Variants in SGCZ observed in about 807,000 individuals in gnomAD.
SGCZ encodes the protein sarcoglycan zeta, also known as zeta-sarcoglycan.
SGCZ carries 40 observed loss-of-function variants against 41.3 expected under a neutral mutation model. The observed-to-expected ratio is 0.97, with a 90% CI of 0.75 to 1.26. The LOEUF (loss-of-function observed/expected upper bound fraction) is 1.26, where lower values mean the gene tolerates loss of function less well. Among genes scored for constraint, SGCZ ranks in the 50% most tolerant of loss-of-function variants. SGCZ has a pLI of 0.00. For missense variants in SGCZ, 552 were observed against 369.8 expected, an observed-to-expected ratio of 1.49 and a Z score of -4.04; for synonymous variants, 206 against 137.5, an observed-to-expected ratio of 1.50 and a Z score of -3.49.
Position 14,732,240 on chromosome 8 carries a change from A to G in SGCZ, c.40-177314T>C, listed in dbSNP as rs569025387. On this transcript the variant is annotated intron_variant, in intron 1 of 7. Coordinates refer to ENST00000382080, the MANE Select transcript of SGCZ (RefSeq NM_139167.4). ...CTCTCTTCCACCAGCTTTAAAACAC[A>G]TCCCTGCCTGCAGCTCTTATCTTAT... Among the ~76,000 whole-genome samples, 89 of 152,222 alleles carry G rather than the reference A, an allele frequency of 5.8e-4. 1 individual carries two copies. Among genetic ancestry groups the G allele is most frequent in the Middle Eastern group, 6.8e-3 (2 of 294 alleles).
intron 1 of SGCZ, among the ~76,000 whole-genome samples, chr8:14,584,423 T>C (rs1472903132): frequency 1.3e-5 from 2 of 152,092 alleles, no homozygotes; most frequent in Admixed American, 6.6e-5. Context: ...ATTTTTTAAA[T>C]GTATGATAAA....
chr8:14,163,254 A>AT (rs2116981476), intron 5 of SGCZ, among the ~76,000 whole-genome samples: 1 of 152,170 alleles, frequency 6.6e-6, no homozygotes, highest in East Asian at 1.9e-4. Context: ...TGTACAGATT[A>AT]TTTTGTCACC....
At chr8:14,578,720 A>C (rs866399976) in intron 1 of SGCZ, among the ~76,000 whole-genome samples, 1 of 152,224 alleles carries the variant, frequency 6.6e-6, no homozygotes, top group African/African-American at 2.4e-5. Flanking sequence ...CTTCAAAATG[A>C]TTCATGGTAA....
chr8:14,906,855 T>C (rs1480691), intron 1 of SGCZ, among the ~76,000 whole-genome samples: 54,241 of 152,050 alleles, frequency 0.36, 12,045 homozygotes, highest in African/African-American at 0.63. Flanking sequence ...CTAAGGAGTA[T>C]ATATCACAGA....
chr8:14,831,203 A>T (rs1802515067), intron 1 of SGCZ, among the ~76,000 whole-genome samples: 1 of 152,202 alleles, frequency 6.6e-6, no homozygotes. Context: ...ACACAGGTCA[A>T]AGAAAGATTT....
At chr8:14,996,978 G>A (rs976168545) in intron 1 of SGCZ, among the ~76,000 whole-genome samples, 5 of 152,146 alleles carry the variant, frequency 3.3e-5, no homozygotes, top group Admixed American at 6.5e-5. Context: ...TAAGGAAGAC[G>A]CTCTTTTGTG....
intron 1 of SGCZ, among the ~76,000 whole-genome samples, chr8:15,060,932 G>C (rs1804901171): frequency 6.6e-6 from 1 of 152,124 alleles, no homozygotes. Flanking sequence ...CATAGTAGAA[G>C]GTACAGGGAT....
At chr8:14,408,496 C>A (rs1186361128) in intron 2 of SGCZ, among the ~76,000 whole-genome samples, 1 of 152,082 alleles carries the variant, frequency 6.6e-6, no homozygotes, top group African/African-American at 2.4e-5. Flanking sequence ...AGGTGGCCAC[C>A]GTCTCTCCCC....
rs370347569 is a variant in SGCZ at position 14,439,261 on chromosome 8, G to T, written c.235-115057C>A. Among the ~76,000 whole-genome samples, 11 of 149,168 alleles carry T rather than the reference G, an allele frequency of 7.4e-5. No homozygotes were observed. The East Asian group carries it at 2.2e-3, about 30-fold the overall frequency. On this transcript the variant is annotated intron_variant, in intron 2 of 7. Transcript: ENST00000382080. ...TATATTTTTAGGAGTTTTTGGCTTG[G>T]TATTGTTGCTAACAGTCCCTTGATT...
chr8:14,913,047 A>G (rs1799324488), intron 1 of SGCZ, among the ~76,000 whole-genome samples: 1 of 152,072 alleles, frequency 6.6e-6, no homozygotes, highest in Admixed American at 6.6e-5. Flanking sequence ...GCATGCTGTC[A>G]TAAATATATA....
chr8:14,158,383 T>A (rs1803939435), intron 5 of SGCZ, among the ~76,000 whole-genome samples: 1 of 152,112 alleles, frequency 6.6e-6, no homozygotes, highest in Non-Finnish European at 1.5e-5. Context: ...GGTAATGCGA[T>A]CTCCACAGAG....
At chr8:14,236,002 T>C (rs937914803) in intron 4 of SGCZ, among the ~76,000 whole-genome samples, 5 of 152,170 alleles carry the variant, frequency 3.3e-5, no homozygotes, top group Admixed American at 2.0e-4. Context: ...CATTTTGACA[T>C]TTCTACTAAG....
intron 1 of SGCZ, among the ~76,000 whole-genome samples, chr8:14,901,403 T>C (rs1798963524): frequency 6.6e-6 from 1 of 152,196 alleles, no homozygotes; most frequent in African/African-American, 2.4e-5. Flanking sequence ...ACCTGGCCAA[T>C]GTAGTGACAA....
At chr8:14,925,182 T>A (rs1441726794) in intron 1 of SGCZ, among the ~76,000 whole-genome samples, 1 of 152,118 alleles carries the variant, frequency 6.6e-6, no homozygotes, top group Non-Finnish European at 1.5e-5. Context: ...ACTGCAGCAG[T>A]TAAGTTTAAA....
intron 1 of SGCZ, among the ~76,000 whole-genome samples, chr8:14,772,435 TTC>T (rs1259019811): frequency 6.6e-6 from 1 of 151,984 alleles, no homozygotes; most frequent in African/African-American, 2.4e-5. Flanking sequence ...TCTTTTTTTT[TTC>T]ATTATTATAC....
chr8:15,057,018 G>T (rs1474346706), intron 1 of SGCZ, among the ~76,000 whole-genome samples: 1 of 152,196 alleles, frequency 6.6e-6, no homozygotes, highest in South Asian at 2.1e-4. Flanking sequence ...AGGATGTGAG[G>T]TCACACTGCC....
At chr8:14,272,975 G>A (rs754964239) in intron 3 of SGCZ, among the ~76,000 whole-genome samples, 72 of 151,766 alleles carry the variant, frequency 4.7e-4, no homozygotes, top group Non-Finnish European at 7.8e-4. Flanking sequence ...TGTGAATGTC[G>A]AATTAGAAAT....
chr8:14,311,650 G>A (rs546223556), intron 3 of SGCZ, among the ~76,000 whole-genome samples: 82 of 152,220 alleles, frequency 5.4e-4, no homozygotes, highest in Middle Eastern at 6.8e-3. Flanking sequence ...TAAAACATCA[G>A]GAATAATGAG....
At chr8:14,313,400 G>T (rs542523504) in intron 3 of SGCZ, among the ~76,000 whole-genome samples, 13 of 152,160 alleles carry the variant, frequency 8.5e-5, no homozygotes, top group African/African-American at 2.9e-4. Context: ...TGCATCCTCC[G>T]CCTCCTGAGT....
Sources: gnomAD v4.1 joint callset for allele counts (sites outside exome capture counted in the v4.1 genomes callset) on GRCh38, gnomAD v4.1.1 for gene constraint, MANE v1.5 for transcripts, NCBI Gene and HGNC (gene_info 2026-07-23, HGNC 2026-07-21) for gene names.